SIGLEC5: variants seen among roughly 807,000 people sequenced by gnomAD.
SIGLEC5 encodes the protein sialic acid-binding Ig-like lectin 5.
A neutral mutation model predicts 45.9 loss-of-function variants in SIGLEC5; 34 were observed. The observed-to-expected ratio is 0.74, with a 90% CI of 0.56 to 0.99. The LOEUF (loss-of-function observed/expected upper bound fraction) is 0.99, where lower values mean the gene tolerates loss of function less well. Ranked by LOEUF, SIGLEC5 falls within the 50% of genes least tolerant of loss-of-function variation. The pLI, the probability that SIGLEC5 is intolerant of heterozygous loss-of-function variation, is 0.00. For synonymous variants in SIGLEC5, 203 were observed against 258.6 expected (o/e 0.79, Z 2.06); for missense variants, 508 against 629.6 (o/e 0.81, Z 2.07).
At chr19:51,615,544 G>T (rs1307890944) in intron 8 of SIGLEC5, among the ~76,000 whole-genome samples, 1 of 152,198 alleles carries the variant, frequency 6.6e-6, no homozygotes, top group East Asian at 1.9e-4. Flanking sequence ...TGAGGAGAAG[G>T]AGAACGGAGG....
chr19:51,626,635 T>A (rs1274130517), intron 7 of SIGLEC5, among the ~76,000 whole-genome samples: 5 of 151,770 alleles, frequency 3.3e-5, no homozygotes, highest in African/African-American at 9.7e-5. Flanking sequence ...CACAGAGACA[T>A]GGAATAGGTT....
At chr19:51,615,269 A>G (rs1983011686) in intron 8 of SIGLEC5, among the ~76,000 whole-genome samples, 1 of 152,216 alleles carries the variant, frequency 6.6e-6, no homozygotes, top group Admixed American at 6.5e-5. Context: ...TCAATTTATG[A>G]TCAATCAATC....
intron 8 of SIGLEC5, among the ~76,000 whole-genome samples, chr19:51,614,944 C>T (rs1568587716): frequency 6.6e-6 from 1 of 152,228 alleles, no homozygotes; most frequent in South Asian, 2.1e-4. Context: ...ATATTAATAA[C>T]CCAATTTCTA....
intron 7 of SIGLEC5, among the ~76,000 whole-genome samples, chr19:51,626,877 G>C (rs1983501004): frequency 1.3e-5 from 2 of 151,742 alleles, no homozygotes; most frequent in Non-Finnish European, 2.9e-5. Context: ...AGACCTCTCT[G>C]GATCTACTCA....
chr19:51,621,437 T>C (rs1203630261), intron 8 of SIGLEC5: 1 of 152,232 alleles, frequency 6.6e-6, no homozygotes, highest in Non-Finnish European at 1.5e-5. Flanking sequence ...AAAGTGATTA[T>C]TCAGGACAGT....
chr19:51,624,094 G>A (rs1479283796), intron 8 of SIGLEC5, among the ~76,000 whole-genome samples: 1 of 151,968 alleles, frequency 6.6e-6, no homozygotes, highest in Non-Finnish European at 1.5e-5. Context: ...GGGAGGTGGA[G>A]GTTGCAATGA....
intron 8 of SIGLEC5, among the ~76,000 whole-genome samples, chr19:51,620,529 T>C (rs1253355827): frequency 6.6e-6 from 1 of 152,204 alleles, no homozygotes; most frequent in African/African-American, 2.4e-5. Flanking sequence ...TATCAGTAGA[T>C]GCATTCAAAA....
At chr19:51,616,699 G>A (rs1983067852) in intron 8 of SIGLEC5, among the ~76,000 whole-genome samples, 1 of 151,834 alleles carries the variant, frequency 6.6e-6, no homozygotes, top group Non-Finnish European at 1.5e-5. Flanking sequence ...ATCACTTGAG[G>A]TCAGGAGTTC....
At chr19:51,619,657 A>G (rs924733493) in intron 8 of SIGLEC5, among the ~76,000 whole-genome samples, 3 of 152,192 alleles carry the variant, frequency 2.0e-5, no homozygotes, top group African/African-American at 7.2e-5. Context: ...ACATATCAAA[A>G]TTTGTGCAAT....
At chr19:51,623,154 A>G (rs780047058) in intron 8 of SIGLEC5, among the ~76,000 whole-genome samples, 1 of 152,226 alleles carries the variant, frequency 6.6e-6, no homozygotes, top group Non-Finnish European at 1.5e-5. Flanking sequence ...TACCCCATAA[A>G]TATATACATC....
At chr19:51,618,779 G>A (rs1043290800) in intron 8 of SIGLEC5, among the ~76,000 whole-genome samples, 7 of 100,540 alleles carry the variant, frequency 7.0e-5, no homozygotes, top group East Asian at 3.4e-4. Flanking sequence ...GTGACAGAGT[G>A]AGACTCTGTC....
chr19:51,627,756 G>A lies in SIGLEC5; in HGVS notation c.998-10C>T. On this transcript the variant is annotated splice_polypyrimidine_tract_variant and intron_variant, in intron 5 of 8. Coordinates refer to ENST00000683636, the MANE Select transcript of SIGLEC5 (RefSeq NM_003830.4). ...AGCAACTGTGGGAGGGCTGTGGGGAGGGAGGACAGAACTCAGCAGGGGGCC... is the reference window on the plus strand; with the variant it reads ...AGCAACTGTGGGAGGGCTGTGGGGAAGGAGGACAGAACTCAGCAGGGGGCC... 1.3e-6 allele frequency: 2 copies of A among 1,575,884 alleles called. No homozygotes were observed. Among genetic ancestry groups the A allele is most frequent in the Non-Finnish European group, 1.7e-6 (2 of 1,159,132 alleles).
Position 51,628,978 on chromosome 19 carries a change from C to T in SIGLEC5, c.739+60G>A. On this transcript the variant is annotated intron_variant, in intron 4 of 8. Transcript: ENST00000683636. ...ATTGCATTCAAGCTCTGATTCTCTA[C>T]CTCTGCTCAGAGACAGACCCAGAGG... is the stretch of plus-strand genomic sequence containing the variant. 4 of 1,487,982 alleles carry T rather than the reference C, an allele frequency of 2.7e-6. No homozygotes were observed. The South Asian group carries it at 4.6e-5, about 17-fold the overall frequency. 92.2% of individuals were successfully genotyped at this position (1,487,982 alleles called of 1,614,324 possible).
intron 8 of SIGLEC5, among the ~76,000 whole-genome samples, chr19:51,617,212 G>A (rs1162290869): frequency 2.7e-5 from 4 of 149,812 alleles, no homozygotes; most frequent in African/African-American, 4.9e-5. Flanking sequence ...AGGAGATCGC[G>A]CCACTGCACT....
chr19:51,619,061 T>C (rs1450626028), intron 8 of SIGLEC5, among the ~76,000 whole-genome samples: 1 of 152,194 alleles, frequency 6.6e-6, no homozygotes, highest in African/African-American at 2.4e-5. Context: ...GATTTGAACA[T>C]TACAATTAAC....
chr19:51,623,795 A>G (rs1285215530), intron 8 of SIGLEC5, among the ~76,000 whole-genome samples: 1 of 152,224 alleles, frequency 6.6e-6, no homozygotes, highest in African/African-American at 2.4e-5. Context: ...CGTGTGTGTT[A>G]GTACGGTGAG....
intron 7 of SIGLEC5, among the ~76,000 whole-genome samples, 191 bp downstream of exon 7, chr19:51,626,958 G>T (rs879663413): frequency 1.3e-5 from 2 of 152,132 alleles, no homozygotes; most frequent in Non-Finnish European, 2.9e-5. Flanking sequence ...AGGATGGAGT[G>T]CATTGGCACA....
At chr19:51,629,160 A>G in intron 3 of SIGLEC5, 84 bp from the exon 4 acceptor site, 1 of 1,551,558 alleles carries the variant, frequency 6.4e-7, no homozygotes, top group East Asian at 2.2e-5. Context: ...GAGGAGCCAC[A>G]GAAACCCACC....
Position 51,627,645 on chromosome 19 carries a change from G to C in SIGLEC5, c.1099C>G (p.Leu367Val). 6.2e-7 allele frequency: 1 copy of C among 1,611,992 alleles called. No individual in the cohort carries two copies. Among genetic ancestry groups the C allele is most frequent in the Non-Finnish European group, 8.5e-7 (1 of 1,179,538 alleles). ...TTCCCCTCCAGCGGCTTCTCCTCAA[G>C]CCGCCAGCACAGGGAGGGGGCCGGC... Reference protein sequence around the residue: ...ARPAPSLCWRLEEKPLEGNSS... With the variant: ...ARPAPSLCWRVEEKPLEGNSS... Residue 367 changes from leucine (L) to valine (V), a missense_variant, in exon 6 of 9, where the codon CTT becomes GTT. Leu to Val is a conservative substitution (Grantham distance 32). This residue lies in a region of SIGLEC5 where 431 missense variants were observed against 428.8 expected (regional missense o/e 1.01). Coordinates refer to ENST00000683636, the MANE Select transcript of SIGLEC5 (RefSeq NM_003830.4).
Sources: allele counts gnomAD v4.1 joint callset (sites outside exome capture counted in the v4.1 genomes callset), GRCh38; gene constraint gnomAD v4.1.1; regional missense constraint gnomAD v4.1.1; transcripts MANE v1.5; gene names NCBI Gene and HGNC (gene_info 2026-07-23, HGNC 2026-07-21).